NRXN3: variants seen among roughly 807,000 people sequenced by gnomAD.
NRXN3 encodes the protein neurexin III.
In NRXN3, 32 loss-of-function variants were observed where a neutral mutation model predicts 137.6. The observed-to-expected ratio is 0.23, with a 90% CI of 0.18 to 0.31. The LOEUF (loss-of-function observed/expected upper bound fraction) is 0.31. Among genes scored for constraint, NRXN3 ranks in the 10% least tolerant of loss-of-function variants. The probability of loss-of-function intolerance (pLI) is 1.00; values close to 1 mark genes in which losing one functional copy is unlikely to be tolerated. For synonymous variants in NRXN3, 798 were observed against 784.5 expected (o/e 1.02, Z -0.29); for missense variants, 1,574 against 2,062.5 (o/e 0.76, Z 4.59).
At chr14:79,257,917 A>G (rs1236059195) in intron 15 of NRXN3, among the ~76,000 whole-genome samples, 1 of 152,060 alleles carries the variant, frequency 6.6e-6, no homozygotes, top group Non-Finnish European at 1.5e-5. Flanking sequence ...TCAATTTTAA[A>G]CTTTTCTCTA....
intron 1 of NRXN3, among the ~76,000 whole-genome samples, chr14:78,188,637 GTTA>G (rs1446280575): frequency 1.3e-5 from 2 of 152,164 alleles, no homozygotes; most frequent in African/African-American, 2.4e-5. Flanking sequence ...TGGCAGTGTG[GTTA>G]TTATAATTTG....
intron 1 of NRXN3, among the ~76,000 whole-genome samples, chr14:78,225,979 GTGTGTGT>G (rs1567013424): frequency 3.6e-4 from 29 of 81,574 alleles, no homozygotes; most frequent in African/African-American, 1.3e-3. Flanking sequence ...GTGTTGGTGT[GTGTGTGT>G]GTGTGTGTGT....
intron 16 of NRXN3, among the ~76,000 whole-genome samples, chr14:79,623,849 G>GTTTTTTTTT (rs571687023): frequency 5.1e-5 from 5 of 97,990 alleles, no homozygotes; most frequent in African/African-American, 7.7e-5. Flanking sequence ...CTTAGCTCCT[G>GTTTTTTTTT]TTTTTTTTTT....
At chr14:78,966,830 C>T (rs186776284) in intron 12 of NRXN3, among the ~76,000 whole-genome samples, 4 of 152,318 alleles carry the variant, frequency 2.6e-5, no homozygotes, top group African/African-American at 9.6e-5. Context: ...GCCCTTTCCT[C>T]AAGACATTTT....
chr14:79,289,347 G>A (rs886470120), intron 15 of NRXN3, among the ~76,000 whole-genome samples: 15 of 152,180 alleles, frequency 9.9e-5, no homozygotes, highest in South Asian at 2.1e-4. Context: ...TTGGCTGGGC[G>A]CAGTGGCTCA....
intron 19 of NRXN3, among the ~76,000 whole-genome samples, chr14:79,752,880 A>AT (rs2099003284): frequency 6.6e-6 from 1 of 152,200 alleles, no homozygotes; most frequent in Admixed American, 6.5e-5. Flanking sequence ...AGGAAAAAAA[A>AT]CAAACAACCC....
In NRXN3 at chr14:79,174,192, C is replaced by T. The variant is rs1365612359; in HGVS notation, c.3262+186051C>T. On this transcript the variant is annotated intron_variant, in intron 15 of 20. Coordinates refer to ENST00000335750, the MANE Select transcript of NRXN3 (RefSeq NM_001330195.2). Reference sequence around the variant, plus strand: ...AGGTAGCGTTAATGTCTAGACTCTACCTAAAATTTTTGCAAATTGATAACT... The same window carrying T: ...AGGTAGCGTTAATGTCTAGACTCTATCTAAAATTTTTGCAAATTGATAACT... Among the ~76,000 whole-genome samples, 3 of 152,158 alleles carry T rather than the reference C, an allele frequency of 2.0e-5. No individual in the cohort carries two copies. The East Asian group carries it at 5.8e-4, about 29-fold the overall frequency.
intron 10 of NRXN3, among the ~76,000 whole-genome samples, chr14:78,878,651 A>G (rs1346372040): frequency 1.3e-5 from 2 of 152,228 alleles, no homozygotes; most frequent in Non-Finnish European, 2.9e-5. Context: ...ACACTAGAAT[A>G]GTGGACTCAA....
intron 12 of NRXN3, 21 bp downstream of exon 12, chr14:78,966,427 C>T: frequency 1.3e-6 from 2 of 1,598,588 alleles, no homozygotes; most frequent in Non-Finnish European, 1.7e-6. Flanking sequence ...GGGATCACGA[C>T]TTATGTTGGA....
At chr14:79,282,893 A>G (rs1214440242) in intron 15 of NRXN3, among the ~76,000 whole-genome samples, 1 of 152,114 alleles carries the variant, frequency 6.6e-6, no homozygotes, top group Non-Finnish European at 1.5e-5. Flanking sequence ...TGCATATTTA[A>G]TTGGTGTTTT....
rs1464040311 is a variant in NRXN3, at chr14:78,926,939, TATATATATA to T, written c.2276-30284_2276-30276del. 1.0e-4 allele frequency among the ~76,000 whole-genome samples: 5 copies of T among 49,056 alleles called. 1 individual carries two copies. Among genetic ancestry groups the T allele is most frequent in the South Asian group, 5.5e-4 (1 of 1,824 alleles). The allele number at this position is 49,056 out of a possible 152,430, so 32.2% of individuals were successfully genotyped here. A position where few individuals can be genotyped will look rare whatever the true frequency, so the allele number is the denominator to read the frequency against. ...ATATATAATATATAATATATTTATA[TATATATATA>T]ATATATATAATATATATATAATATA... On this transcript the variant is annotated intron_variant, in intron 10 of 20. Coordinates refer to ENST00000335750, the MANE Select transcript of NRXN3 (RefSeq NM_001330195.2).
intron 15 of NRXN3, among the ~76,000 whole-genome samples, chr14:79,413,728 T>C (rs1210965409): frequency 1.3e-5 from 2 of 151,904 alleles, no homozygotes; most frequent in South Asian, 2.1e-4. Flanking sequence ...AGTAAACAAA[T>C]ATTAATAAGT....
At chr14:79,730,273 G>T (rs983541694) in intron 19 of NRXN3, among the ~76,000 whole-genome samples, 4 of 152,146 alleles carry the variant, frequency 2.6e-5, no homozygotes, top group Non-Finnish European at 4.4e-5. Context: ...GAAATTAATT[G>T]CTTTAGACTT....
At chr14:79,852,544 T>G (rs887187587) in intron 20 of NRXN3, among the ~76,000 whole-genome samples, 5 of 152,176 alleles carry the variant, frequency 3.3e-5, no homozygotes, top group Non-Finnish European at 5.9e-5. Flanking sequence ...TTTCTTCTCT[T>G]TTAAATGTCT....
At chr14:79,364,473 T>C (rs2093801957) in intron 15 of NRXN3, among the ~76,000 whole-genome samples, 4 of 152,212 alleles carry the variant, frequency 2.6e-5, no homozygotes, top group Admixed American at 2.0e-4. Flanking sequence ...GCAAGTAATT[T>C]CATGTTTTGC....
intron 10 of NRXN3, among the ~76,000 whole-genome samples, chr14:78,850,702 T>C (rs111900396): frequency 9.2e-5 from 14 of 152,234 alleles, no homozygotes; most frequent in Admixed American, 2.6e-4. Context: ...AGCAAAAATG[T>C]TATAATTTAG....
At chr14:78,514,424 G>C (rs2096169526) in intron 4 of NRXN3, among the ~76,000 whole-genome samples, 1 of 152,062 alleles carries the variant, frequency 6.6e-6, no homozygotes, top group Non-Finnish European at 1.5e-5. Context: ...GGAGTCTTGG[G>C]TGGAATCACA....
chr14:79,756,609 T>C (rs942635635), intron 19 of NRXN3, among the ~76,000 whole-genome samples: 4 of 152,190 alleles, frequency 2.6e-5, no homozygotes, highest in Non-Finnish European at 5.9e-5. Flanking sequence ...AGTGCTGTTT[T>C]CCAGCCTGTG....
At chr14:78,775,744 T>G (rs981885826) in intron 8 of NRXN3, among the ~76,000 whole-genome samples, 1 of 152,214 alleles carries the variant, frequency 6.6e-6, no homozygotes, top group African/African-American at 2.4e-5. Context: ...ATTTCTCAAT[T>G]TGTTAAACAA....
Sources: allele counts gnomAD v4.1 joint callset (sites outside exome capture counted in the v4.1 genomes callset), GRCh38; gene constraint gnomAD v4.1.1; transcripts MANE v1.5; gene names NCBI Gene and HGNC (gene_info 2026-07-23, HGNC 2026-07-21).